ANKRD24: variants seen among roughly 807,000 people sequenced by gnomAD.
The protein encoded by ANKRD24 is ankyrin repeat domain 24, also known as ankyrin repeat domain-containing protein 24.
ANKRD24 carries 109 observed loss-of-function variants against 127.8 expected under a neutral mutation model. That is an observed-to-expected ratio of 0.85 (90% CI 0.73 to 1.00). The LOEUF is 1.00. Ranked by LOEUF, ANKRD24 falls within the 50% of genes least tolerant of loss-of-function variation. The pLI is 0.00. For missense variants in ANKRD24, 1,648 were observed against 1,570.2 expected (o/e 1.05, Z -0.84); for synonymous variants, 743 against 671.1 (o/e 1.11, Z -1.66).
At chr19:4,186,329 G>T (rs878993200) in intron 1 of ANKRD24, 61 bp from the exon 2 acceptor site, 1 of 1,543,266 alleles carries the variant, frequency 6.5e-7, no homozygotes, top group South Asian at 1.2e-5. Context: ...GCGAGGCAAC[G>T]GACCCTGCCG....
intron 7 of ANKRD24, among the ~76,000 whole-genome samples, chr19:4,205,576 A>G (rs1969336439): frequency 6.6e-6 from 1 of 152,176 alleles, no homozygotes; most frequent in African/African-American, 2.4e-5. Flanking sequence ...GGCCAGGCAC[A>G]GTGGTGCACG....
intron 7 of ANKRD24, among the ~76,000 whole-genome samples, chr19:4,203,289 T>C (rs149382512): frequency 0.042 from 6,442 of 152,178 alleles, 365 homozygotes; most frequent in African/African-American, 0.13. Context: ...CCTCAGGTGA[T>C]CCACCCGCCT....
chr19:4,218,712 C>T (rs1182510189), intron 18 of ANKRD24, among the ~76,000 whole-genome samples: 1 of 150,392 alleles, frequency 6.6e-6, no homozygotes, highest in Non-Finnish European at 1.5e-5. Flanking sequence ...TCCTTTCTTT[C>T]TTCATCCCCC....
intron 19 of ANKRD24, among the ~76,000 whole-genome samples, chr19:4,220,228 C>A (rs1280681663): frequency 1.3e-5 from 2 of 152,142 alleles, no homozygotes; most frequent in Non-Finnish European, 2.9e-5. Flanking sequence ...CTGCCTCAGC[C>A]CCCAAAAGGG....
At chr19:4,215,362 G>A (rs1969997127) in intron 15 of ANKRD24, among the ~76,000 whole-genome samples, 1 of 151,888 alleles carries the variant, frequency 6.6e-6, no homozygotes, top group Admixed American at 6.6e-5. Context: ...GTACATGCCT[G>A]TAATCCCAGC....
rs149572801 is a variant in ANKRD24, at chr19:4,223,887, C to T, written c.3298-240C>T. 8.0e-4 allele frequency among the ~76,000 whole-genome samples: 122 copies of T among 151,958 alleles called. 1 individual carries two copies. Among genetic ancestry groups the T allele is most frequent in the Middle Eastern group, 3.4e-3 (1 of 294 alleles). ...CCAATTTTTGTATTTTTAGTAGAGACGGGATTTTACCATGTTGGTCCAGGC... is the reference window on the plus strand; with the variant it reads ...CCAATTTTTGTATTTTTAGTAGAGATGGGATTTTACCATGTTGGTCCAGGC... On this transcript the variant is annotated intron_variant, in intron 20 of 21. Coordinates refer to ENST00000318934, the MANE Select transcript of ANKRD24 (RefSeq NM_001393985.1).
rs1969011779 is a variant in ANKRD24 at position 4,200,077 on chromosome 19, C to T, written c.255-6C>T. On this transcript the variant is annotated splice_region_variant and splice_polypyrimidine_tract_variant and intron_variant, in intron 4 of 21. Coordinates refer to ENST00000318934, the MANE Select transcript of ANKRD24 (RefSeq NM_001393985.1). ...TTGCGGCTGAACCCTTGTCTCTCAC[C>T]TCCAGGTTCCACCTGGCGGCCATGC... 6.3e-7 allele frequency: 1 copy of T among 1,582,388 alleles called. No individual in the cohort carries two copies. Among genetic ancestry groups the T allele is most frequent in the African/African-American group, 1.3e-5 (1 of 74,440 alleles).
intron 7 of ANKRD24, among the ~76,000 whole-genome samples, chr19:4,204,717 A>G (rs1969288540): frequency 1.3e-5 from 2 of 152,206 alleles, no homozygotes; most frequent in African/African-American, 4.8e-5. Flanking sequence ...GAAACTCAGA[A>G]TAAAATAGGG....
chr19:4,195,229 C>A lies in ANKRD24; in HGVS notation c.37-4454C>A, dbSNP rs544315969. Among the ~76,000 whole-genome samples the A allele has an allele frequency of 6.6e-6, 1 of 151,966 alleles. No individual in the cohort carries two copies. Among genetic ancestry groups the A allele is most frequent in the African/African-American group, 2.4e-5 (1 of 41,398 alleles). On this transcript the variant is annotated intron_variant, in intron 2 of 21. Coordinates refer to ENST00000318934, the MANE Select transcript of ANKRD24 (RefSeq NM_001393985.1). The surrounding 1 kb of genome is among the most constrained non-coding windows in gnomAD (Gnocchi z 4.2). Reference sequence around the variant, plus strand: ...CTGGGACTACAGGCGCCCACCACCACGCCCGGCTAATTTTTTGTATTTTTA... The same window carrying A: ...CTGGGACTACAGGCGCCCACCACCAAGCCCGGCTAATTTTTTGTATTTTTA...
chr19:4,207,881 G>GAC lies in ANKRD24; in HGVS notation c.746_747dup (p.Ala250ThrfsTer79). The GAC allele has an allele frequency of 6.4e-7, 1 of 1,559,634 alleles. No homozygotes were observed. The highest frequency in any genetic ancestry group is 8.7e-7 in the Non-Finnish European group (1 of 1,154,566). ...GGGCATCACCGATGCGCTGGGGCAGGACGCGGCTCACTATGGCGCCCTGGC... is the reference window on the plus strand; with the variant it reads ...GGGCATCACCGATGCGCTGGGGCAGGACACGCGGCTCACTATGGCGCCCTGGC... On this transcript the variant is annotated frameshift_variant, in exon 10 of 22. Transcript: ENST00000318934. LOFTEE classifies it high-confidence loss of function.
Position 4,216,763 on chromosome 19 carries a change from A to C in ANKRD24, c.1603A>C (p.Thr535Pro). Reference sequence around the variant, plus strand: ...TGGGGAGAGTGAGGTTGCTGGAGCCACGGCCACCAAAAACGGGCCAACCCA... The same window carrying C: ...TGGGGAGAGTGAGGTTGCTGGAGCCCCGGCCACCAAAAACGGGCCAACCCA... ...ACGESEVAGATATKNGPTHME... is the reference protein window; with the variant it reads ...ACGESEVAGAPATKNGPTHME... The change falls in exon 18 of 22, where the codon ACG becomes CCG. Residue 535 changes from threonine to proline, a missense_variant. Coordinates refer to ENST00000318934, the MANE Select transcript of ANKRD24 (RefSeq NM_001393985.1). The C allele has an allele frequency of 6.3e-7, 1 of 1,587,516 alleles. No individual in the cohort carries two copies. Among genetic ancestry groups the C allele is most frequent in the Non-Finnish European group, 8.6e-7 (1 of 1,167,660 alleles).
chr19:4,196,842 T>A (rs1463688165), intron 2 of ANKRD24, among the ~76,000 whole-genome samples: 1 of 152,150 alleles, frequency 6.6e-6, no homozygotes, highest in Non-Finnish European at 1.5e-5. Context: ...GTGGAGCACC[T>A]GCCATGGGCC....
intron 11 of ANKRD24, among the ~76,000 whole-genome samples, chr19:4,209,145 C>T (rs1296462998): frequency 6.6e-6 from 1 of 152,106 alleles, no homozygotes; most frequent in Admixed American, 6.6e-5. Context: ...GAGTCTCACT[C>T]TGTCGCCCAG....
At position 4,217,259 on chromosome 19, in the gene ANKRD24, C is replaced by T. The variant is rs564768478; in HGVS notation, c.2099C>T (p.Thr700Met). Residue 700 changes from threonine (T) to methionine (M), a missense_variant, in exon 18 of 22, where the codon ACG becomes ATG. By Grantham distance (81) the Thr-to-Met change is moderately conservative. Transcript: ENST00000318934. The stretch of plus-strand genomic sequence containing the variant: ...GTGGAGAACCCAGGGGTAGAGGCCA[C>T]GGTCCCGGGGATCTCTGCTGGCCCC... ...TGVENPGVEA[T>M]VPGISAGPIL... The T allele has an allele frequency of 7.6e-5, 120 of 1,576,004 alleles. 1 individual carries two copies. The highest frequency in any genetic ancestry group is 7.2e-4 in the South Asian group (62 of 86,394).
chr19:4,201,927 A>T, intron 5 of ANKRD24, 99 bp from the exon 6 acceptor site: 1 of 1,052,202 alleles, frequency 9.5e-7, no homozygotes, highest in Admixed American at 1.8e-5. Context: ...GGACTTTGCT[A>T]GACTCAGAAA....
At chr19:4,214,747 G>T (rs185450854) in intron 15 of ANKRD24, among the ~76,000 whole-genome samples, 1 of 152,064 alleles carries the variant, frequency 6.6e-6, no homozygotes, top group South Asian at 2.1e-4. Flanking sequence ...CCAGCTACTC[G>T]GGAGGCTAAG....
intron 18 of ANKRD24, among the ~76,000 whole-genome samples, chr19:4,219,073 G>A (rs1470268302): frequency 6.6e-6 from 1 of 152,072 alleles, no homozygotes; most frequent in Non-Finnish European, 1.5e-5. Flanking sequence ...ATCACCTGAG[G>A]TCACAAGTTC....
At chr19:4,196,529 C>T (rs1968752252) in intron 2 of ANKRD24, among the ~76,000 whole-genome samples, 2 of 152,132 alleles carry the variant, frequency 1.3e-5, no homozygotes, top group South Asian at 4.1e-4. Flanking sequence ...CGCCCGCTAC[C>T]ACACCTGGCT....
chr19:4,192,259 C>T (rs569065160), intron 2 of ANKRD24, among the ~76,000 whole-genome samples: 1 of 152,278 alleles, frequency 6.6e-6, no homozygotes, highest in Admixed American at 6.5e-5. Flanking sequence ...GAAAATCTCC[C>T]AAGTGGGAAG....
Sources: gnomAD v4.1 joint callset for allele counts (sites outside exome capture counted in the v4.1 genomes callset) on GRCh38, gnomAD v4.1.1 for gene constraint, Gnocchi (gnomAD v3.1) non-coding constraint, MANE v1.5 for transcripts, NCBI Gene and HGNC (gene_info 2026-07-23, HGNC 2026-07-21) for gene names.